STK33: variants seen among roughly 807,000 people sequenced by gnomAD.
The protein encoded by STK33 is serine/threonine-protein kinase 33.
Under a neutral mutation model 58.0 loss-of-function variants are expected in STK33, and 52 were observed. That is an observed-to-expected ratio of 0.90 (90% confidence interval 0.72 to 1.13). The LOEUF (loss-of-function observed/expected upper bound fraction) is 1.13. Ranked by LOEUF, STK33 falls within the 50% of genes most tolerant of loss-of-function variation. STK33 has a pLI of 0.00. For missense variants in STK33, 630 were observed against 604.2 expected (o/e 1.04, Z -0.45); for synonymous variants, 215 against 200.1 (o/e 1.07, Z -0.63).
At chr11:8,390,238 C>T (rs750573060), downstream of STK33, among the ~76,000 whole-genome samples, 1 of 152,132 alleles carries the variant, frequency 6.6e-6, no homozygotes, top group Non-Finnish European at 1.5e-5. Flanking sequence ...GAATGCGGAT[C>T]GCTACTTGAA....
chr11:8,365,730 T>A, the STK33 span, among the ~76,000 whole-genome samples: 1 of 152,016 alleles, frequency 6.6e-6, no homozygotes. Context: ...TAGGAGGAAG[T>A]AGCCTGGCTC....
downstream of STK33, among the ~76,000 whole-genome samples, chr11:8,390,207 C>T (rs1048455186): frequency 1.2e-4 from 19 of 152,256 alleles, no homozygotes; most frequent in African/African-American, 4.6e-4. Context: ...ATTTTGCCTG[C>T]CTTATCTGTC....
intron 1 of STK33, among the ~76,000 whole-genome samples, chr11:8,522,602 G>T (rs559527678): frequency 6.6e-6 from 1 of 152,186 alleles, no homozygotes; most frequent in South Asian, 2.1e-4. Flanking sequence ...TATTGTCTTT[G>T]GCCATGATTT....
chr11:8,470,710 T>C (rs1028539844), intron 6 of STK33, among the ~76,000 whole-genome samples: 2 of 152,082 alleles, frequency 1.3e-5, no homozygotes, highest in African/African-American at 4.8e-5. Flanking sequence ...AATTTTAATA[T>C]TGTCTCTCAG....
chr11:8,349,181 G>T, the STK33 span, among the ~76,000 whole-genome samples: 1 of 152,208 alleles, frequency 6.6e-6, no homozygotes, highest in Admixed American at 6.5e-5. Context: ...AGACTCCATT[G>T]CTTCACCTGT....
At chr11:8,420,640 TTG>T (rs1941777533) in intron 14 of STK33, among the ~76,000 whole-genome samples, 2 of 152,206 alleles carry the variant, frequency 1.3e-5, no homozygotes, top group African/African-American at 4.8e-5. Flanking sequence ...ATCCAGAATC[TTG>T]TGATTAACAT....
At chr11:8,557,556 T>A (rs1344648614) in intron 1 of STK33, among the ~76,000 whole-genome samples, 1 of 152,002 alleles carries the variant, frequency 6.6e-6, no homozygotes, top group Non-Finnish European at 1.5e-5. Flanking sequence ...TAATTCCTAG[T>A]GCAACTACTA....
chr11:8,339,634 G>T, the STK33 span, among the ~76,000 whole-genome samples: 51 of 152,222 alleles, frequency 3.4e-4, no homozygotes, highest in Admixed American at 4.6e-4. Flanking sequence ...GAAGCCTCCT[G>T]GGCTGACCCG....
chr11:8,429,646 C>T (rs1943178522), intron 14 of STK33, among the ~76,000 whole-genome samples: 1 of 152,154 alleles, frequency 6.6e-6, no homozygotes, highest in African/African-American at 2.4e-5. Context: ...CCATATCACA[C>T]ACTGTTGCCA....
intron 15 of STK33, among the ~76,000 whole-genome samples, chr11:8,399,871 G>A (rs1443159524): frequency 3.3e-5 from 5 of 152,202 alleles, no homozygotes; most frequent in Admixed American, 2.6e-4. Flanking sequence ...AAATCTAGAT[G>A]AAATGGATAA....
chr11:8,450,931 T>C (rs1359184717), intron 11 of STK33, among the ~76,000 whole-genome samples: 1 of 152,216 alleles, frequency 6.6e-6, no homozygotes, highest in Non-Finnish European at 1.5e-5. Flanking sequence ...GAATGCCTAG[T>C]AAGCACATGA....
At chr11:8,408,934 C>G (rs1006128041) in intron 15 of STK33, among the ~76,000 whole-genome samples, 2 of 152,220 alleles carry the variant, frequency 1.3e-5, no homozygotes, top group Non-Finnish European at 2.9e-5. Flanking sequence ...ATTGGAGACT[C>G]AGCATCCATG....
chr11:8,559,274 T>C (rs1956970649), intron 1 of STK33, among the ~76,000 whole-genome samples: 2 of 152,222 alleles, frequency 1.3e-5, no homozygotes, highest in Non-Finnish European at 2.9e-5. Context: ...AGCCATATTA[T>C]GACAACCAAA....
chr11:8,428,188 G>GT (rs1270035436), intron 14 of STK33, among the ~76,000 whole-genome samples: 1 of 152,202 alleles, frequency 6.6e-6, no homozygotes, highest in Non-Finnish European at 1.5e-5. Context: ...AGGCCAAGAG[G>GT]TAAGAAGTCA....
chr11:8,408,024 A>T (rs1939568530), intron 15 of STK33, among the ~76,000 whole-genome samples: 1 of 152,228 alleles, frequency 6.6e-6, no homozygotes, highest in African/African-American at 2.4e-5. Flanking sequence ...TCAAAAGTTA[A>T]GAAAAAAGGA....
chr11:8,348,029 G>C, the STK33 span, among the ~76,000 whole-genome samples: 1 of 152,194 alleles, frequency 6.6e-6, no homozygotes, highest in Non-Finnish European at 1.5e-5. Flanking sequence ...GAGGAGAAGA[G>C]ACAATGCCTC....
chr11:8,551,741 C>T (rs1327133416), intron 1 of STK33, among the ~76,000 whole-genome samples: 4 of 152,096 alleles, frequency 2.6e-5, no homozygotes, highest in Admixed American at 1.3e-4. Flanking sequence ...TATTGCTGTC[C>T]CGTTATTGCT....
chr11:8,433,216 T>C (rs1196319023), intron 14 of STK33, among the ~76,000 whole-genome samples: 1 of 152,114 alleles, frequency 6.6e-6, no homozygotes, highest in Non-Finnish European at 1.5e-5. Context: ...AGGGCAAACA[T>C]AATTCATTCT....
At chr11:8,344,840 C>A in the STK33 span, among the ~76,000 whole-genome samples, 1 of 152,194 alleles carries the variant, frequency 6.6e-6, no homozygotes, top group African/African-American at 2.4e-5. Context: ...GGCTGTGCTT[C>A]CTCGCTCAGC....
Sources: gnomAD v4.1 joint callset for allele counts (sites outside exome capture counted in the v4.1 genomes callset) on GRCh38, gnomAD v4.1.1 for gene constraint, MANE v1.5 for transcripts, NCBI Gene and HGNC (gene_info 2026-07-23, HGNC 2026-07-21) for gene names.